Variants in LRRIQ3 observed in about 807,000 individuals in gnomAD.
LRRIQ3 encodes the protein leucine rich repeats and IQ motif containing 3, also known as leucine-rich repeat and IQ domain-containing protein 3.
A neutral mutation model predicts 59.3 loss-of-function variants in LRRIQ3; 75 were observed. The ratio of observed to expected loss-of-function variants is 1.26; its 90% confidence interval spans 1.05 to 1.53. The LOEUF (loss-of-function observed/expected upper bound fraction) is 1.53, where lower values mean the gene tolerates loss of function less well. Among genes scored for constraint, LRRIQ3 ranks in the 40% most tolerant of loss-of-function variants. The pLI is 0.00. For synonymous variants in LRRIQ3, 250 were observed against 231.3 expected, an observed-to-expected ratio of 1.08 and a Z score of -0.73; for missense variants, 831 against 710.0, an observed-to-expected ratio of 1.17 and a Z score of -1.94.
intron 4 of LRRIQ3, among the ~76,000 whole-genome samples, chr1:74,149,048 T>C (rs1570212110): frequency 6.6e-6 from 1 of 152,322 alleles, no homozygotes; most frequent in East Asian, 1.9e-4. Flanking sequence ...ATTATATGGT[T>C]ATAAGGTATT....
chr1:74,080,731 A>G (rs893191375), intron 5 of LRRIQ3, among the ~76,000 whole-genome samples: 5 of 151,744 alleles, frequency 3.3e-5, no homozygotes, highest in Non-Finnish European at 7.4e-5. Context: ...AAACAAAAAG[A>G]GTCGCCTTTA....
intron 3 of LRRIQ3, among the ~76,000 whole-genome samples, chr1:74,173,070 G>C (rs1419272526): frequency 6.6e-6 from 1 of 152,136 alleles, no homozygotes; most frequent in South Asian, 2.1e-4. Context: ...GGGAGGCCGA[G>C]GCAGGTGGAC....
At chr1:74,196,768 C>G (rs535747715) in intron 1 of LRRIQ3, among the ~76,000 whole-genome samples, 86 of 152,230 alleles carry the variant, frequency 5.6e-4, no homozygotes, top group African/African-American at 1.9e-3. Flanking sequence ...AACTTCTCAC[C>G]ATTCCCACTG....
intron 6 of LRRIQ3, chr1:74,050,620 G>T (rs900212731): frequency 1.0e-6 from 1 of 975,340 alleles, no homozygotes; most frequent in South Asian, 4.7e-5. Flanking sequence ...GCATAGCTGT[G>T]ATTTGAATGC....
At chr1:74,077,030 T>C (rs1418979539) in intron 5 of LRRIQ3, among the ~76,000 whole-genome samples, 4 of 152,108 alleles carry the variant, frequency 2.6e-5, no homozygotes, top group African/African-American at 9.6e-5. Context: ...TGTCAAAATA[T>C]GACACAATTT....
chr1:74,198,079 T>C lies in LRRIQ3; in HGVS notation c.-84A>G, dbSNP rs1047748710. ...AGTCAGACAAATCGCTGGGCGGCCATCTGCTCCTGAGACCGTTGCTAGAGA... is the reference window on the plus strand; with the variant it reads ...AGTCAGACAAATCGCTGGGCGGCCACCTGCTCCTGAGACCGTTGCTAGAGA... On this transcript the variant is annotated 5_prime_UTR_variant, in exon 1 of 8. An upstream start codon of the reference 5' UTR is lost. Coordinates refer to ENST00000354431, the MANE Select transcript of LRRIQ3 (RefSeq NM_001105659.2). 2 of 1,174,484 alleles carry C rather than the reference T, an allele frequency of 1.7e-6. No homozygotes were observed. The highest frequency in any genetic ancestry group is 2.3e-6 in the Non-Finnish European group (2 of 868,904). 72.8% of individuals were successfully genotyped at this position (1,174,484 alleles called of 1,614,324 possible).
chr1:74,083,937 T>C (rs2100501225), intron 5 of LRRIQ3: 1 of 380,274 alleles, frequency 2.6e-6, no homozygotes, highest in East Asian at 4.0e-5. Flanking sequence ...ATTGTAATGT[T>C]AGCTTTCTTA....
intron 7 of LRRIQ3, among the ~76,000 whole-genome samples, chr1:74,035,882 C>T (rs1653854327): frequency 6.6e-6 from 1 of 152,104 alleles, no homozygotes; most frequent in South Asian, 2.1e-4. Flanking sequence ...TCCTCTTCTC[C>T]TTGCCTCACC....
chr1:74,044,293 G>A (rs988952698), intron 6 of LRRIQ3, among the ~76,000 whole-genome samples: 29 of 151,976 alleles, frequency 1.9e-4, no homozygotes, highest in African/African-American at 6.8e-4. Context: ...TTGGATATTG[G>A]GCCTAGTGAG....
chr1:74,177,814 A>G (rs1649739143), intron 3 of LRRIQ3, among the ~76,000 whole-genome samples: 1 of 152,048 alleles, frequency 6.6e-6, no homozygotes, highest in Admixed American at 6.6e-5. Context: ...AGCTAGAGGA[A>G]TATCTACTCT....
At chr1:74,062,595 T>C (rs189236905) in intron 6 of LRRIQ3, among the ~76,000 whole-genome samples, 128 of 152,096 alleles carry the variant, frequency 8.4e-4, no homozygotes, top group Non-Finnish European at 1.7e-3. Flanking sequence ...TTAATGTCCA[T>C]CAACAGTAGA....
intron 4 of LRRIQ3, among the ~76,000 whole-genome samples, chr1:74,154,740 A>G (rs1239068863): frequency 5.9e-5 from 9 of 152,198 alleles, no homozygotes; most frequent in Non-Finnish European, 7.4e-5. Flanking sequence ...ATAAGTATGC[A>G]CTTTTCAGCA....
intron 4 of LRRIQ3, among the ~76,000 whole-genome samples, chr1:74,145,068 C>T (rs1304020258): frequency 6.6e-6 from 1 of 152,084 alleles, no homozygotes; most frequent in African/African-American, 2.4e-5. Context: ...AGGTATACAA[C>T]ACCTGAAAAT....
At position 74,041,764 on chromosome 1, in the gene LRRIQ3, A is replaced by T; in HGVS notation, c.1167T>A (p.His389Gln). 6.2e-7 allele frequency: 1 copy of T among 1,613,580 alleles called. No individual in the cohort carries two copies. The highest frequency in any genetic ancestry group is 8.5e-7 in the Non-Finnish European group (1 of 1,179,766). The change falls in exon 7 of 8, where the codon CAT becomes CAA. Residue 389 changes from histidine (H) to glutamine (Q), a missense_variant. Transcript: ENST00000354431. ...TGTCTTTTTTAATGATTGGCTTTGG[A>T]TGAGTAGTATAGATTGGCTGAGGAT... ...PAYPQPIYTTHPKPIIKKDIR... is the reference protein window; with the variant it reads ...PAYPQPIYTTQPKPIIKKDIR...
intron 6 of LRRIQ3, among the ~76,000 whole-genome samples, chr1:74,057,985 A>T (rs1278699204): frequency 6.6e-6 from 1 of 151,954 alleles, no homozygotes; most frequent in African/African-American, 2.4e-5. Flanking sequence ...TAATATCACC[A>T]ATCATTAGGA....
intron 7 of LRRIQ3, among the ~76,000 whole-genome samples, chr1:74,035,077 C>G (rs1191677495): frequency 1.3e-5 from 2 of 151,894 alleles, no homozygotes; most frequent in Non-Finnish European, 2.9e-5. Context: ...ACTATCTGTG[C>G]CTTTCAATCT....
intron 6 of LRRIQ3, among the ~76,000 whole-genome samples, chr1:74,066,048 T>C (rs535081978): frequency 8.0e-4 from 121 of 151,998 alleles, no homozygotes; most frequent in African/African-American, 2.8e-3. Flanking sequence ...TAGCTGGGCG[T>C]GCTGGTGCAT....
At chr1:74,148,705 G>A (rs770016532) in intron 4 of LRRIQ3, among the ~76,000 whole-genome samples, 6 of 152,102 alleles carry the variant, frequency 3.9e-5, no homozygotes, top group Non-Finnish European at 8.8e-5. Flanking sequence ...CTCTCCTAAG[G>A]TCAACTGATT....
intron 5 of LRRIQ3, among the ~76,000 whole-genome samples, chr1:74,101,650 G>A (rs1646534823): frequency 6.6e-6 from 1 of 152,082 alleles, no homozygotes; most frequent in Admixed American, 6.6e-5. Context: ...CAAAGACTTG[G>A]AACCAACCCA....
Sources: allele counts gnomAD v4.1 joint callset (sites outside exome capture counted in the v4.1 genomes callset), GRCh38; gene constraint gnomAD v4.1.1; transcripts MANE v1.5; gene names NCBI Gene and HGNC (gene_info 2026-07-23, HGNC 2026-07-21).